The following RBMS3 variants were observed in gnomAD, a reference collection of about 807,000 sequenced individuals.
RBMS3 encodes RNA binding motif single stranded interacting protein 3.
Under a neutral mutation model 66.8 loss-of-function variants are expected in RBMS3, and 27 were observed. The ratio of observed to expected loss-of-function variants is 0.40; its 90% CI spans 0.30 to 0.56. The LOEUF is 0.56. RBMS3 is among the 20% of genes least tolerant of loss of function. The pLI, the probability that RBMS3 is intolerant of heterozygous loss-of-function variation, is 0.40. For missense variants in RBMS3, 513 were observed against 549.5 expected (o/e 0.93, Z 0.66); for synonymous variants, 188 against 183.0 (o/e 1.03, Z -0.22).
In RBMS3 at chr3:29,374,968, C is replaced by T. The variant is rs117085708; in HGVS notation, c.76-59775C>T. Among the ~76,000 whole-genome samples the T allele has an allele frequency of 7.3e-4, 111 of 152,062 alleles. 2 individuals are homozygous for T. The East Asian group carries it at 0.019, about 26-fold the overall frequency. ...TGTTGGTGGCTTGAAATTGGCTTTC[C>T]GCTACAGTAACCAAAACAGCATGGT... On this transcript the variant is annotated intron_variant, in intron 1 of 14. Transcript: ENST00000383767.
chr3:29,654,262 A>G (rs1257269934), intron 4 of RBMS3, among the ~76,000 whole-genome samples: 1 of 152,152 alleles, frequency 6.6e-6, no homozygotes, highest in Non-Finnish European at 1.5e-5. Context: ...GTAGGGAGAG[A>G]TTTGGTGATG....
intron 3 of RBMS3, among the ~76,000 whole-genome samples, chr3:29,492,128 C>G (rs1335058924): frequency 6.6e-6 from 1 of 152,194 alleles, no homozygotes; most frequent in Non-Finnish European, 1.5e-5. Flanking sequence ...CATGTAGAGT[C>G]TCTGCTTAGC....
At chr3:29,677,296 G>A (rs187824544) in intron 4 of RBMS3, among the ~76,000 whole-genome samples, 8 of 152,206 alleles carry the variant, frequency 5.3e-5, no homozygotes, top group East Asian at 3.9e-4. Flanking sequence ...GTTTTCTTCC[G>A]ATGATAGTGT....
At chr3:29,485,226 T>C (rs899011355) in intron 2 of RBMS3, among the ~76,000 whole-genome samples, 2 of 152,196 alleles carry the variant, frequency 1.3e-5, no homozygotes, top group South Asian at 2.1e-4. Context: ...TGGCTATTTC[T>C]CTTAAAAAAT....
intron 1 of RBMS3, among the ~76,000 whole-genome samples, chr3:29,368,385 G>C (rs543687606): frequency 6.6e-6 from 1 of 152,102 alleles, no homozygotes; most frequent in Non-Finnish European, 1.5e-5. Context: ...ATTTATTGGA[G>C]TATTGCTGGG....
rs186771284 is a variant in RBMS3 at position 29,447,906 on chromosome 3, G to T, written c.248+12991G>T. Among the ~76,000 whole-genome samples, 4 of 152,220 alleles carry T rather than the reference G, an allele frequency of 2.6e-5. No individual in the cohort carries two copies. In the East Asian group the frequency reaches 7.7e-4, roughly 29 times the overall value. ...CAGACCTTCGTTTTTGATCATTGCA[G>T]CCTTCCACACATGAGTTTTCAGAGT... On this transcript the variant is annotated intron_variant, in intron 2 of 14. Coordinates refer to ENST00000383767, the MANE Select transcript of RBMS3 (RefSeq NM_001003793.3).
intron 12 of RBMS3, among the ~76,000 whole-genome samples, chr3:29,985,000 C>A (rs982333841): frequency 6.6e-6 from 1 of 152,212 alleles, no homozygotes; most frequent in East Asian, 1.9e-4. Context: ...GCGCCCACAG[C>A]CACTCATACC....
intron 8 of RBMS3, among the ~76,000 whole-genome samples, chr3:29,885,810 TCTAC>T (rs2059856369): frequency 6.6e-6 from 1 of 151,892 alleles, no homozygotes; most frequent in Non-Finnish European, 1.5e-5. Flanking sequence ...TATATACATA[TCTAC>T]CTGTCTATAG....
At chr3:29,962,750 G>T (rs752975868) in intron 12 of RBMS3, among the ~76,000 whole-genome samples, 2 of 151,886 alleles carry the variant, frequency 1.3e-5, no homozygotes, top group Non-Finnish European at 2.9e-5. Flanking sequence ...ATTATTCACT[G>T]TTTGTATTTA....
At chr3:29,442,030 G>C (rs147877345) in intron 2 of RBMS3, among the ~76,000 whole-genome samples, 1 of 152,150 alleles carries the variant, frequency 6.6e-6, no homozygotes, top group Admixed American at 6.5e-5. Flanking sequence ...CCTGGAATAT[G>C]CCTCTAGAAG....
At chr3:29,987,347 T>A (rs1698457953) in intron 12 of RBMS3, among the ~76,000 whole-genome samples, 1 of 152,212 alleles carries the variant, frequency 6.6e-6, no homozygotes, top group Non-Finnish European at 1.5e-5. Context: ...GGTCATACTT[T>A]ATGCTTATGT....
chr3:29,901,504 G>A lies in RBMS3; in HGVS notation c.939+1749G>A, dbSNP rs1475205892. ...AGATCTATTAGGGGCAGGGAAGATG[G>A]TTGTATGGGACTTTATTTCAGCTGT... On this transcript the variant is annotated intron_variant, in intron 10 of 14. Coordinates refer to ENST00000383767, the MANE Select transcript of RBMS3 (RefSeq NM_001003793.3). 5.3e-5 allele frequency among the ~76,000 whole-genome samples: 8 copies of A among 151,766 alleles called. No individual in the cohort carries two copies. In the Admixed American group the frequency reaches 5.3e-4, roughly 10 times the overall value.
At chr3:29,875,187 A>G (rs1218390611) in intron 7 of RBMS3, among the ~76,000 whole-genome samples, 2 of 152,160 alleles carry the variant, frequency 1.3e-5, no homozygotes, top group African/African-American at 2.4e-5. Flanking sequence ...TGTCCTGGCC[A>G]TCCCAGCCTG....
chr3:29,720,903 T>C lies in RBMS3; in HGVS notation c.400-18817T>C, dbSNP rs150591716. Among the ~76,000 whole-genome samples, 51 of 152,252 alleles carry C rather than the reference T, an allele frequency of 3.3e-4. 1 individual carries two copies. The East Asian group carries it at 9.8e-3, about 29-fold the overall frequency. ...GGAAGGAAAGAGAAAAGACGCTGAC[T>C]AAATAAGTAAATGATGCTTTTAAAC... is the stretch of plus-strand genomic sequence containing the variant. On this transcript the variant is annotated intron_variant, in intron 4 of 14. Transcript: ENST00000383767.
chr3:29,598,032 C>T (rs1191257024), intron 4 of RBMS3, among the ~76,000 whole-genome samples: 2 of 152,096 alleles, frequency 1.3e-5, no homozygotes, highest in Non-Finnish European at 2.9e-5. Context: ...TTACTGAAAT[C>T]ATCACCGTTA....
intron 4 of RBMS3, among the ~76,000 whole-genome samples, chr3:29,619,602 C>A (rs1429258288): frequency 6.6e-6 from 1 of 152,144 alleles, no homozygotes; most frequent in Non-Finnish European, 1.5e-5. Context: ...TCTTATCTCA[C>A]CAAGCCTCAG....
chr3:29,804,290 G>A (rs570826010), intron 6 of RBMS3, among the ~76,000 whole-genome samples: 18 of 152,046 alleles, frequency 1.2e-4, no homozygotes, highest in Non-Finnish European at 2.1e-4. Context: ...CATTGGTTTA[G>A]AAGATCATTT....
At chr3:29,674,608 TA>T in intron 4 of RBMS3, among the ~76,000 whole-genome samples, 1 of 151,194 alleles carries the variant, frequency 6.6e-6, no homozygotes, top group African/African-American at 2.4e-5. Context: ...TATACACCAA[TA>T]ATAGACAGAG....
intron 6 of RBMS3, among the ~76,000 whole-genome samples, chr3:29,788,374 T>C (rs939594177): frequency 3.3e-5 from 5 of 152,106 alleles, no homozygotes. Flanking sequence ...TACAGGCATG[T>C]GCCACCACGT....
Sources: allele counts gnomAD v4.1 joint callset (sites outside exome capture counted in the v4.1 genomes callset), GRCh38; gene constraint gnomAD v4.1.1; transcripts MANE v1.5; gene names NCBI Gene and HGNC (gene_info 2026-07-23, HGNC 2026-07-21).